The following TERT variants were observed in gnomAD, a reference collection of about 807,000 sequenced individuals.
TERT encodes the protein telomerase reverse transcriptase.
A neutral mutation model predicts 104.0 loss-of-function variants in TERT; 42 were observed. That is an observed-to-expected ratio of 0.40 (90% CI 0.32 to 0.52). TERT has a LOEUF of 0.52. Among genes scored for constraint, TERT ranks in the 20% least tolerant of loss-of-function variants. TERT has a pLI of 0.43. For missense variants in TERT, 1,101 were observed against 1,610.3 expected, an observed-to-expected ratio of 0.68 and a Z score of 5.41; for synonymous variants, 781 against 725.6, an observed-to-expected ratio of 1.08 and a Z score of -1.23.
intron 6 of TERT, among the ~76,000 whole-genome samples, chr5:1,276,873 G>A (rs1737059286): frequency 6.6e-6 from 1 of 152,252 alleles, no homozygotes; most frequent in African/African-American, 2.4e-5. Context: ...TTAGTGGACT[G>A]CGATAGAAGT....
chr5:1,290,218 C>A (rs71575529), intron 2 of TERT, among the ~76,000 whole-genome samples: 3 of 47,802 alleles, frequency 6.3e-5, no homozygotes, highest in African/African-American at 1.6e-4. Flanking sequence ...ACCCGGGGAC[C>A]GCGCCTCACT....
chr5:1,290,475 G>C (rs1218408511), intron 2 of TERT, among the ~76,000 whole-genome samples: 19 of 18,392 alleles, frequency 1.0e-3, no homozygotes, highest in Non-Finnish European at 1.2e-3. Context: ...GGGGCCTCGC[G>C]TCAATCACCC....
At chr5:1,260,638 C>A (rs1323957916) in intron 11 of TERT, 38 bp from the exon 12 acceptor site, 1 of 1,611,736 alleles carries the variant, frequency 6.2e-7, no homozygotes, top group South Asian at 1.1e-5. Context: ...CAGGTGCCTG[C>A]CCCACACCCA....
At position 1,253,704 on chromosome 5, in the gene TERT, G is replaced by A. The variant is rs749338229; in HGVS notation, c.*24C>T. ...GACAGGGCTGCTGGTGTCTGCTCTCGGCCTGGCTGTGGGCGGGTGGCCATC... is the reference window on the plus strand; with the variant it reads ...GACAGGGCTGCTGGTGTCTGCTCTCAGCCTGGCTGTGGGCGGGTGGCCATC... On this transcript the variant is annotated 3_prime_UTR_variant, in exon 16 of 16. Coordinates refer to ENST00000310581, the MANE Select transcript of TERT (RefSeq NM_198253.3). 46 of 1,592,688 alleles carry A rather than the reference G, an allele frequency of 2.9e-5. No individual in the cohort carries two copies. Among genetic ancestry groups the A allele is most frequent in the South Asian group, 5.6e-5 (5 of 88,532 alleles).
intron 3 of TERT, 56 bp from the exon 4 acceptor site, chr5:1,280,394 A>G: frequency 6.3e-7 from 1 of 1,575,222 alleles, no homozygotes; most frequent in East Asian, 2.3e-5. Context: ...ACTAGGGGGA[A>G]GCTCACGGGA....
rs761513215 is a variant in TERT at position 1,271,208 on chromosome 5, C to G, written c.2383-4G>C. The G allele has an allele frequency of 6.2e-7, 1 of 1,610,618 alleles. No homozygotes were observed. Among genetic ancestry groups the G allele is most frequent in the Non-Finnish European group, 8.5e-7 (1 of 1,177,794 alleles). On this transcript the variant is annotated splice_polypyrimidine_tract_variant and splice_region_variant and intron_variant, in intron 7 of 15. Coordinates refer to ENST00000310581, the MANE Select transcript of TERT (RefSeq NM_198253.3). ...TGGCCTCATTCAGGGAGGAGCTCTGCGAAAGCAGACGGGAGACACATGGGA... is the reference window on the plus strand; with the variant it reads ...TGGCCTCATTCAGGGAGGAGCTCTGGGAAAGCAGACGGGAGACACATGGGA...
intron 2 of TERT, among the ~76,000 whole-genome samples, chr5:1,284,119 C>A (rs1284246586): frequency 9.4e-5 from 11 of 117,424 alleles, no homozygotes; most frequent in East Asian, 3.0e-4. Context: ...GACTCCATAC[C>A]TCCAGCTCAC....
rs1172484342 is a variant in TERT at position 1,292,037 on chromosome 5, C to T, written c.1573+1276G>A. On this transcript the variant is annotated intron_variant, in intron 2 of 15. Transcript: ENST00000310581. The surrounding 1 kb of genome is among the most constrained non-coding windows in gnomAD (Gnocchi z 5.5). ...AGCATTTCAAGCAACCTGCTGTAAA[C>T]ACCGCCGAGTTAGCAATTCTGCACT... 2.0e-5 allele frequency among the ~76,000 whole-genome samples: 3 copies of T among 152,188 alleles called. No homozygotes were observed. The highest frequency in any genetic ancestry group is 2.9e-5 in the Non-Finnish European group (2 of 68,042).
chr5:1,260,116 G>A (rs547408979), intron 12 of TERT, among the ~76,000 whole-genome samples: 109 of 152,298 alleles, frequency 7.2e-4, no homozygotes, highest in African/African-American at 2.4e-3. Context: ...AGGACCTAGC[G>A]GGGTGAACAC....
intron 5 of TERT, 140 bp from the exon 6 acceptor site, chr5:1,278,936 T>A (rs1417360139): frequency 1.6e-6 from 2 of 1,218,760 alleles, no homozygotes; most frequent in Non-Finnish European, 2.4e-6. Context: ...CAGGGCGGGC[T>A]GTGTCCCCTC....
Position 1,261,670 on chromosome 5 carries a change from C to T in TERT, c.2844-1070G>A, listed in dbSNP as rs538117959. Among the ~76,000 whole-genome samples, 234 of 152,326 alleles carry T rather than the reference C, an allele frequency of 1.5e-3. 4 individuals carry two copies. In the South Asian group the frequency reaches 0.045, roughly 29 times the overall value. On this transcript the variant is annotated intron_variant, in intron 11 of 15. Transcript: ENST00000310581. The surrounding 1 kb of genome is among the most constrained non-coding windows in gnomAD (Gnocchi z 7.4). The stretch of plus-strand genomic sequence containing the variant: ...GTCAGTTTCACATGCATTTCTTTGA[C>T]GCTGCTGGTAGGACCTTCCCAAGTG...
In TERT at chr5:1,263,548, C is replaced by T. The variant is rs773483493; in HGVS notation, c.2843+856G>A. On this transcript the variant is annotated intron_variant, in intron 11 of 15. Transcript: ENST00000310581. This position sits in a 1 kb window ranked among gnomAD's most constrained non-coding sequence, Gnocchi z 5.3. ...CCTCCCGCATAGCGGGGACTACAGG[C>T]GTGTGCCACCAGGCCAGGCTAATTT... Among the ~76,000 whole-genome samples, 2 of 152,250 alleles carry T rather than the reference C, an allele frequency of 1.3e-5. No individual in the cohort carries two copies. Among genetic ancestry groups the T allele is most frequent in the Non-Finnish European group, 2.9e-5 (2 of 68,020 alleles).
rs1432915958 is a variant in TERT, at chr5:1,287,927, G to C, written c.1574-5303C>G. On this transcript the variant is annotated intron_variant, in intron 2 of 15. Transcript: ENST00000310581. The surrounding 1 kb of genome is among the most constrained non-coding windows in gnomAD (Gnocchi z 4.3). Reference sequence around the variant, plus strand: ...TGCACACACTAGATCACAAAGCAAGGCTCCGCAAACTTCAAATAATTGGTA... The same window carrying C: ...TGCACACACTAGATCACAAAGCAAGCCTCCGCAAACTTCAAATAATTGGTA... Among the ~76,000 whole-genome samples, 2 of 150,726 alleles carry C rather than the reference G, an allele frequency of 1.3e-5. No homozygotes were observed. The highest frequency in any genetic ancestry group is 3.0e-5 in the Non-Finnish European group (2 of 67,796).
At chr5:1,267,074 C>G (rs1428060647) in intron 9 of TERT, among the ~76,000 whole-genome samples, 3 of 152,238 alleles carry the variant, frequency 2.0e-5, no homozygotes, top group Admixed American at 6.5e-5. Flanking sequence ...CTCGAGGACA[C>G]TTTCCTCCAA....
At chr5:1,285,815 G>A (rs918773971) in intron 2 of TERT, among the ~76,000 whole-genome samples, 5 of 151,878 alleles carry the variant, frequency 3.3e-5, no homozygotes, top group Admixed American at 1.3e-4. Context: ...TGATCCACCC[G>A]CCTTGGCCTC....
At chr5:1,275,396 GAAAA>G (rs980989654) in intron 6 of TERT, among the ~76,000 whole-genome samples, 1,550 of 150,044 alleles carry the variant, frequency 0.01, 36 homozygotes, top group African/African-American at 0.035. Flanking sequence ...AAAAAAGAAA[GAAAA>G]AAAGAAAGAA....
chr5:1,272,521 GATCA>G (rs1749129206), intron 6 of TERT, among the ~76,000 whole-genome samples: 1 of 145,016 alleles, frequency 6.9e-6, no homozygotes, highest in African/African-American at 2.8e-5. Flanking sequence ...CCCTGTGACC[GATCA>G]CCATCCACAG....
rs945997004 is a variant in TERT, at chr5:1,286,889, AAAC to A, written c.1574-4268_1574-4266del. On this transcript the variant is annotated intron_variant, in intron 2 of 15. Transcript: ENST00000310581. This position sits in a 1 kb window ranked among gnomAD's most constrained non-coding sequence, Gnocchi z 5.3. The stretch of plus-strand genomic sequence containing the variant: ...TGAGACTGTCTCAATAAACAAAAGC[AAAC>A]AACGACAATAAAAAGATCAGGGGGT... Among the ~76,000 whole-genome samples, 1 of 152,150 alleles carries A rather than the reference AAAC, an allele frequency of 6.6e-6. No individual in the cohort carries two copies. The highest frequency in any genetic ancestry group is 1.5e-5 in the Non-Finnish European group (1 of 68,032).
rs746095609 is a variant in TERT at position 1,294,027 on chromosome 5, C to T, written c.859G>A (p.Gly287Ser). Residue 287 changes from glycine (G) to serine (S), a missense_variant, in exon 2 of 16, where the codon GGT becomes AGT. Physicochemically the swap from Gly to Ser is moderately conservative, Grantham distance 56. Coordinates refer to ENST00000310581, the MANE Select transcript of TERT (RefSeq NM_198253.3). ...RPAEEATSLE[G>S]ALSGTRHSHP... is the part of the protein sequence containing the mutation. ...GAGTGGCGCGTGCCAGAGAGCGCAC[C>T]CTCCAAAGAGGTGGCTTCTTCGGCG... is the stretch of plus-strand genomic sequence containing the variant. 7.5e-6 allele frequency: 12 copies of T among 1,597,452 alleles called. No homozygotes were observed. In the African/African-American group the frequency reaches 1.2e-4, roughly 16 times the overall value.
Sources: allele counts gnomAD v4.1 joint callset (sites outside exome capture counted in the v4.1 genomes callset), GRCh38; gene constraint gnomAD v4.1.1; non-coding constraint Gnocchi (gnomAD v3.1); transcripts MANE v1.5; gene names NCBI Gene and HGNC (gene_info 2026-07-23, HGNC 2026-07-21).